Variants in ENTREP2 observed in about 807,000 individuals in gnomAD.
ENTREP2 encodes protein ENTREP2.
chr15:29,317,995 C>T, the ENTREP2 span, among the ~76,000 whole-genome samples: 25 of 152,246 alleles, frequency 1.6e-4, no homozygotes, highest in South Asian at 6.2e-4. Context: ...TCTGAATGTC[C>T]ACCGAAACAT....
chr15:29,593,795 G>A, the ENTREP2 span, among the ~76,000 whole-genome samples: 1 of 152,174 alleles, frequency 6.6e-6, no homozygotes, highest in Non-Finnish European at 1.5e-5. Context: ...CATAATAATG[G>A]CTGTTATGGA....
chr15:29,544,947 G>A, the ENTREP2 span, among the ~76,000 whole-genome samples: 1 of 152,170 alleles, frequency 6.6e-6, no homozygotes, highest in African/African-American at 2.4e-5. Flanking sequence ...ACAGAGTACT[G>A]CCATGTAGTT....
At chr15:29,592,683 T>A in the ENTREP2 span, among the ~76,000 whole-genome samples, 1 of 152,188 alleles carries the variant, frequency 6.6e-6, no homozygotes, top group Non-Finnish European at 1.5e-5. Context: ...TGAAATTTGA[T>A]CCTCAGTGTT....
the ENTREP2 span, among the ~76,000 whole-genome samples, chr15:29,250,263 A>G: frequency 1.3e-5 from 2 of 152,160 alleles, no homozygotes; most frequent in East Asian, 1.9e-4. Context: ...ATTGCCCCCA[A>G]GCAAATGAAC....
chr15:29,488,286 T>A, the ENTREP2 span, among the ~76,000 whole-genome samples: 16 of 152,264 alleles, frequency 1.1e-4, no homozygotes, highest in South Asian at 2.1e-4. Context: ...TGAATTTTTT[T>A]AAAAATCACT....
chr15:29,534,079 G>A, the ENTREP2 span, among the ~76,000 whole-genome samples: 1 of 135,310 alleles, frequency 7.4e-6, no homozygotes, highest in Admixed American at 8.1e-5. Flanking sequence ...CCACACCAGT[G>A]GGTCACATCT....
At chr15:29,642,773 C>T in the ENTREP2 span, among the ~76,000 whole-genome samples, 5 of 152,004 alleles carry the variant, frequency 3.3e-5, no homozygotes, top group East Asian at 1.9e-4. Context: ...CCACGACACA[C>T]GGCTAATTTT....
the ENTREP2 span, among the ~76,000 whole-genome samples, chr15:29,555,108 C>T: frequency 1.3e-5 from 2 of 152,170 alleles, no homozygotes; most frequent in Non-Finnish European, 2.9e-5. Flanking sequence ...CACAGTATCT[C>T]CTCTTCTGAC....
the ENTREP2 span, among the ~76,000 whole-genome samples, chr15:29,355,852 G>A: frequency 6.6e-6 from 1 of 152,172 alleles, no homozygotes; most frequent in African/African-American, 2.4e-5. Flanking sequence ...AGAGTGGAAT[G>A]GCTGAGCTAA....
chr15:29,453,676 T>A, the ENTREP2 span, among the ~76,000 whole-genome samples: 1 of 152,220 alleles, frequency 6.6e-6, no homozygotes, highest in African/African-American at 2.4e-5. Flanking sequence ...CACCAGGAAA[T>A]AACCACTGCT....
the ENTREP2 span, among the ~76,000 whole-genome samples, chr15:29,331,793 G>A: frequency 4.2e-4 from 64 of 152,150 alleles, no homozygotes; most frequent in Non-Finnish European, 7.2e-4. Context: ...TTGAAACCAC[G>A]GCTGATAGTG....
At chr15:29,387,741 A>G in the ENTREP2 span, among the ~76,000 whole-genome samples, 12 of 152,304 alleles carry the variant, frequency 7.9e-5, no homozygotes, top group East Asian at 2.1e-3. Flanking sequence ...TACAGTAACC[A>G]AAACAGCATG....
At chr15:29,262,080 GA>G in the ENTREP2 span, among the ~76,000 whole-genome samples, 254 of 54,306 alleles carry the variant, frequency 4.7e-3, 1 homozygote, top group African/African-American at 0.012. Flanking sequence ...AATGGCTCCA[GA>G]AAAAAAAAAA....
chr15:29,487,881 C>T, the ENTREP2 span, among the ~76,000 whole-genome samples: 11 of 152,114 alleles, frequency 7.2e-5, no homozygotes, highest in African/African-American at 2.7e-4. Flanking sequence ...TTAGTAGAGA[C>T]GGGATTTTGC....
At chr15:29,571,565 C>G in the ENTREP2 span, among the ~76,000 whole-genome samples, 3 of 152,194 alleles carry the variant, frequency 2.0e-5, no homozygotes, top group Non-Finnish European at 4.4e-5. Context: ...GAGAACATTG[C>G]CAGGACACAC....
At chr15:29,599,471 C>T in the ENTREP2 span, among the ~76,000 whole-genome samples, 1 of 152,142 alleles carries the variant, frequency 6.6e-6, no homozygotes, top group Non-Finnish European at 1.5e-5. Flanking sequence ...ATAGAGCAAA[C>T]TTTAAGAAGC....
the ENTREP2 span, among the ~76,000 whole-genome samples, chr15:29,404,636 C>G: frequency 6.6e-6 from 1 of 152,130 alleles, no homozygotes; most frequent in African/African-American, 2.4e-5. Context: ...CCTCCCCTCC[C>G]CTCCTCGCAG....
the ENTREP2 span, among the ~76,000 whole-genome samples, chr15:29,366,585 T>C: frequency 6.6e-6 from 1 of 152,152 alleles, no homozygotes; most frequent in African/African-American, 2.4e-5. Flanking sequence ...CCTGTAGCCA[T>C]TCTCTTCCCA....
At chr15:29,127,697 C>T in the ENTREP2 span, among the ~76,000 whole-genome samples, 6 of 152,158 alleles carry the variant, frequency 3.9e-5, no homozygotes, top group African/African-American at 1.4e-4. Flanking sequence ...CCGCCCAGGT[C>T]CCAGGAGGGA....
Sources: allele counts gnomAD v4.1 joint callset (sites outside exome capture counted in the v4.1 genomes callset), GRCh38; gene constraint gnomAD v4.1.1; transcripts MANE v1.5; gene names NCBI Gene and HGNC (gene_info 2026-07-23, HGNC 2026-07-21).